Variants in FBXL18 observed in about 807,000 individuals in gnomAD.
The protein encoded by FBXL18 is F-box and leucine rich repeat protein 18.
Under a neutral mutation model 46.0 loss-of-function variants are expected in FBXL18, and 36 were observed. The ratio of observed to expected loss-of-function variants is 0.78; its 90% confidence interval spans 0.60 to 1.03. The LOEUF is 1.03. FBXL18 is among the 50% of genes least tolerant of loss of function. The pLI, the probability that FBXL18 is intolerant of heterozygous loss-of-function variation, is 0.00. For missense variants in FBXL18, 977 were observed against 1,004.1 expected (o/e 0.97, Z 0.36); for synonymous variants, 557 against 465.3 (o/e 1.20, Z -2.54).
chr7:5,468,883 G>A (rs1224217393), intron 4 of FBXL18, among the ~76,000 whole-genome samples: 1 of 152,206 alleles, frequency 6.6e-6, no homozygotes, highest in Non-Finnish European at 1.5e-5. Context: ...TTACAGGCAT[G>A]AGCCAACATG....
chr7:5,486,007 C>T (rs542995574), intron 4 of FBXL18, among the ~76,000 whole-genome samples: 57 of 151,496 alleles, frequency 3.8e-4, no homozygotes, highest in Non-Finnish European at 7.2e-4. Flanking sequence ...TGCAGTGAGC[C>T]GAGATTGTGC....
chr7:5,470,317 C>T (rs1482423581), intron 4 of FBXL18, among the ~76,000 whole-genome samples: 1 of 152,112 alleles, frequency 6.6e-6, no homozygotes, highest in Non-Finnish European at 1.5e-5. Context: ...GTGACCAAGG[C>T]GTGCCCCTCC....
In FBXL18 at chr7:5,505,435, C is replaced by T. The variant is rs376886179; in HGVS notation, c.214G>A (p.Val72Met). 2.6e-5 allele frequency: 42 copies of T among 1,613,966 alleles called. 1 individual carries two copies. In the South Asian group the frequency reaches 3.5e-4, roughly 13 times the overall value. The change falls in exon 2 of 5, where the codon GTG (valine) becomes ATG (methionine). Residue 72 changes from valine (V) to methionine (M), a missense_variant. Val to Met is a conservative substitution (Grantham distance 21). Transcript: ENST00000382368. ...ACCTGATAGTCCTTTTGCAGCAACA[C>T]GGTGTGGATGAGGCTCTTGTCAAGG... Reference protein sequence around the residue: ...LCLDKSLIHTVLLQKDYQASE... With the variant: ...LCLDKSLIHTMLLQKDYQASE...
At chr7:5,511,933 G>T (rs1036549329) in intron 1 of FBXL18, among the ~76,000 whole-genome samples, 2 of 151,614 alleles carry the variant, frequency 1.3e-5, no homozygotes, top group Non-Finnish European at 2.9e-5. Context: ...ATTTTAAAAA[G>T]AGAAATAAAA....
chr7:5,501,393 C>T lies in FBXL18; in HGVS notation c.876G>A (p.Leu292=). 1 of 1,613,766 alleles carries T rather than the reference C, an allele frequency of 6.2e-7. No homozygotes were observed. The highest frequency in any genetic ancestry group is 8.5e-7 in the Non-Finnish European group (1 of 1,180,004). ...AGGACTTGGGCAGCTGCAGGGCATC[C>T]AGCACGACATTGCGCGCCATGGAGT... is the stretch of plus-strand genomic sequence containing the variant. ...LLDSMARNVV[L]DALQLPKSWL... is the part of the protein sequence containing the mutation. The change falls in exon 3 of 5, where the codon CTG becomes CTA. Residue 292 remains leucine (L), a synonymous_variant. Coordinates refer to ENST00000382368, the MANE Select transcript of FBXL18 (RefSeq NM_024963.6).
chr7:5,486,062 AAAATAAATAAAT>A lies in FBXL18; in HGVS notation c.2001-4143_2001-4132del, dbSNP rs36047680. Among the ~76,000 whole-genome samples, 36 of 139,752 alleles carry A rather than the reference AAAATAAATAAAT, an allele frequency of 2.6e-4. No individual in the cohort carries two copies. In the South Asian group the frequency reaches 3.1e-3, roughly 12 times the overall value. 91.7% of individuals were successfully genotyped at this position (139,752 alleles called of 152,430 possible). Reference sequence around the variant, plus strand: ...CAACAGAGCAAGACTCTGTCTCAAAAAAATAAATAAATAAATAAATAAATAAATAAATAAATA... The same window carrying A: ...CAACAGAGCAAGACTCTGTCTCAAAAAAATAAATAAATAAATAAATAAATA... On this transcript the variant is annotated intron_variant, in intron 4 of 4. Transcript: ENST00000382368.
chr7:5,458,433 C>T (rs961316331), intron 4 of FBXL18, among the ~76,000 whole-genome samples: 1 of 152,204 alleles, frequency 6.6e-6, no homozygotes, highest in African/African-American at 2.4e-5. Flanking sequence ...GGCGTGGTGG[C>T]TGATGCCTGT....
At chr7:5,511,217 A>T (rs939951355) in intron 1 of FBXL18, among the ~76,000 whole-genome samples, 7 of 152,016 alleles carry the variant, frequency 4.6e-5, no homozygotes, top group African/African-American at 1.7e-4. Context: ...CAGGTGGATT[A>T]TGAAGTCAGG....
intron 4 of FBXL18, among the ~76,000 whole-genome samples, chr7:5,466,169 TAA>T (rs995026212): frequency 8.1e-6 from 1 of 123,604 alleles, no homozygotes; most frequent in Non-Finnish European, 1.7e-5. Flanking sequence ...TCAGAGAATT[TAA>T]AAAAAAAAAA....
intron 4 of FBXL18, 72 bp downstream of exon 4, chr7:5,491,159 G>T: frequency 7.2e-7 from 1 of 1,386,700 alleles, no homozygotes; most frequent in Non-Finnish European, 1.0e-6. Context: ...CTCGGTGAAG[G>T]CTGGGGACCA....
At chr7:5,513,573 A>C in intron 1 of FBXL18, 84 bp downstream of exon 1, 3 of 1,515,994 alleles carry the variant, frequency 2.0e-6, no homozygotes, top group Non-Finnish European at 2.7e-6. Context: ...AAAGGATGCA[A>C]GGGAACCCGG....
intron 4 of FBXL18, among the ~76,000 whole-genome samples, chr7:5,462,866 G>A (rs1191995981): frequency 2.0e-5 from 3 of 147,200 alleles, no homozygotes; most frequent in African/African-American, 7.5e-5. Context: ...CAGGAGAATG[G>A]TGTGAACCCA....
intron 4 of FBXL18, among the ~76,000 whole-genome samples, chr7:5,467,784 T>C (rs1351990179): frequency 1.3e-5 from 2 of 152,024 alleles, no homozygotes; most frequent in Non-Finnish European, 2.9e-5. Flanking sequence ...ATCCTAAAGA[T>C]AGAGAAACAG....
chr7:5,467,106 C>G lies in FBXL18; in HGVS notation c.2001-19263G>C, dbSNP rs1404495978. Among the ~76,000 whole-genome samples the G allele has an allele frequency of 3.9e-5, 6 of 152,176 alleles. 1 individual carries two copies. In the East Asian group the frequency reaches 9.6e-4, roughly 24 times the overall value. ...GTGGCTCACGCCTGTAATCCCAGCA[C>G]TTTGGGAGGCGAAGGCGGGCGGATC... On this transcript the variant is annotated intron_variant and NMD_transcript_variant, in intron 4 of 6. Transcript: ENST00000415009.
At chr7:5,482,446 A>G (rs990161809) in intron 4 of FBXL18, among the ~76,000 whole-genome samples, 10 of 152,106 alleles carry the variant, frequency 6.6e-5, no homozygotes, top group Admixed American at 5.9e-4. Flanking sequence ...CCAGGTGGCC[A>G]CTCAGGAAAA....
chr7:5,501,068 G>A lies in FBXL18; in HGVS notation c.1201C>T (p.Leu401=), dbSNP rs1784235382. 3.7e-6 allele frequency: 6 copies of A among 1,610,576 alleles called. No homozygotes were observed. The East Asian group carries it at 1.3e-4, about 36-fold the overall frequency. Residue 401 remains leucine, a synonymous_variant, in exon 3 of 5, where the codon CTG becomes TTG. Coordinates refer to ENST00000382368, the MANE Select transcript of FBXL18 (RefSeq NM_024963.6). ...AGGAGCTGGCAGAGGTGGCGGCCCA[G>A]GCCCTCCGAGCTGTGGTGGTGGGCG... ...SAAHHHSSEG[L]GRHLCQLLAR...
At chr7:5,474,368 G>A (rs1435404413), downstream of FBXL18, among the ~76,000 whole-genome samples, 3 of 151,274 alleles carry the variant, frequency 2.0e-5, no homozygotes, top group Non-Finnish European at 4.4e-5. Context: ...GAGTGCAGTG[G>A]TGCAATCACG....
At chr7:5,466,940 C>G (rs778247968) in intron 4 of FBXL18, among the ~76,000 whole-genome samples, 36 of 152,136 alleles carry the variant, frequency 2.4e-4, no homozygotes, top group Non-Finnish European at 2.1e-4. Flanking sequence ...TTTAAATGTA[C>G]AGGCAGTGGC....
At position 5,455,445 on chromosome 7, in the gene FBXL18, C is replaced by G. The variant is rs1382168136; in HGVS notation, c.2001-7602G>C. 1.3e-5 allele frequency among the ~76,000 whole-genome samples: 2 copies of G among 152,116 alleles called. No individual in the cohort carries two copies. Among genetic ancestry groups the G allele is most frequent in the African/African-American group, 4.8e-5 (2 of 41,414 alleles). ...CTGGGGAGTAGCATCAAGGAGCACT[C>G]TCGTGGGAGCACTACCTTAGTCTCC... On this transcript the variant is annotated intron_variant and NMD_transcript_variant, in intron 4 of 6. Coordinates refer to the FBXL18 transcript ENST00000415009. The surrounding 1 kb of genome is among the most constrained non-coding windows in gnomAD (Gnocchi z 4.6).
Sources: allele counts gnomAD v4.1 joint callset (sites outside exome capture counted in the v4.1 genomes callset), GRCh38; gene constraint gnomAD v4.1.1; non-coding constraint Gnocchi (gnomAD v3.1); transcripts MANE v1.5; gene names NCBI Gene and HGNC (gene_info 2026-07-23, HGNC 2026-07-21).